ASTN2: variants seen among roughly 807,000 people sequenced by gnomAD.
ASTN2 encodes astrotactin-2.
In ASTN2, 54 loss-of-function variants were observed where a neutral mutation model predicts 139.8. The ratio of observed to expected loss-of-function variants is 0.39; its 90% CI spans 0.31 to 0.48. The LOEUF is 0.48. ASTN2 is among the 20% of genes least tolerant of loss of function. ASTN2 has a pLI of 0.95. For synonymous variants in ASTN2, 756 were observed against 719.5 expected (o/e 1.05, Z -0.81); for missense variants, 1,565 against 1,725.1 (o/e 0.91, Z 1.64).
intron 16 of ASTN2, among the ~76,000 whole-genome samples, chr9:116,689,038 A>G (rs1860428683): frequency 6.6e-6 from 1 of 152,126 alleles, no homozygotes; most frequent in Admixed American, 6.5e-5. Context: ...TACTGGCCTC[A>G]AGTGGGTAGA....
chr9:116,686,771 A>C (rs1860240530), intron 16 of ASTN2: 2 of 1,550,666 alleles, frequency 1.3e-6, no homozygotes, highest in Non-Finnish European at 1.7e-6. Context: ...CCAGCTGAGT[A>C]GGCAAAACAT....
At chr9:117,290,063 TG>T (rs1834549822) in intron 2 of ASTN2, among the ~76,000 whole-genome samples, 1 of 152,198 alleles carries the variant, frequency 6.6e-6, no homozygotes, top group Non-Finnish European at 1.5e-5. Flanking sequence ...TACTGCTGAT[TG>T]TTAAATTGAA....
chr9:116,916,428 G>A (rs1337363522), intron 10 of ASTN2, among the ~76,000 whole-genome samples: 1 of 152,222 alleles, frequency 6.6e-6, no homozygotes, highest in African/African-American at 2.4e-5. Context: ...AATAAGCTCA[G>A]AAAGGTGTAA....
chr9:116,904,982 G>GCC (rs1834115840), intron 10 of ASTN2, among the ~76,000 whole-genome samples: 1 of 152,170 alleles, frequency 6.6e-6, no homozygotes, highest in Admixed American at 6.5e-5. Flanking sequence ...TCCTCCAAAG[G>GCC]CCCCTCTGTG....
intron 12 of ASTN2, among the ~76,000 whole-genome samples, chr9:116,810,997 T>C (rs1404418437): frequency 6.6e-6 from 1 of 152,194 alleles, no homozygotes; most frequent in Non-Finnish European, 1.5e-5. Context: ...TATGCAGTGT[T>C]CTCATTAAAT....
At chr9:116,723,721 ATCTAC>A (rs202209919) in intron 16 of ASTN2, among the ~76,000 whole-genome samples, 2 of 152,356 alleles carry the variant, frequency 1.3e-5, no homozygotes, top group East Asian at 3.9e-4. Flanking sequence ...GGAGTATTTG[ATCTAC>A]CATCTAGGTG....
intron 4 of ASTN2, among the ~76,000 whole-genome samples, chr9:117,131,085 T>A (rs142962718): frequency 4.1e-4 from 62 of 152,348 alleles, no homozygotes; most frequent in African/African-American, 1.5e-3. Flanking sequence ...CTTCTAACTA[T>A]GTATTTTGTT....
chr9:116,453,588 C>G, intron 20 of ASTN2, among the ~76,000 whole-genome samples: 1 of 76,782 alleles, frequency 1.3e-5, no homozygotes, highest in Non-Finnish European at 2.3e-5. Context: ...TGCGAGACTC[C>G]GTCTCAAAAA....
chr9:117,400,352 G>C (rs1164501915), intron 1 of ASTN2, among the ~76,000 whole-genome samples: 5 of 152,312 alleles, frequency 3.3e-5, no homozygotes, highest in Non-Finnish European at 5.9e-5. Flanking sequence ...GTCCTTTTGT[G>C]GGGAGGACAG....
At chr9:116,460,828 T>C (rs1156772048) in intron 20 of ASTN2, among the ~76,000 whole-genome samples, 1 of 152,102 alleles carries the variant, frequency 6.6e-6, no homozygotes, top group Non-Finnish European at 1.5e-5. Context: ...CAGAGTTCCA[T>C]CTGCCACACT....
chr9:117,132,851 G>A (rs113996097), intron 4 of ASTN2, among the ~76,000 whole-genome samples: 1,799 of 152,234 alleles, frequency 0.012, 40 homozygotes, highest in African/African-American at 0.041. Flanking sequence ...CCAGGGTGCC[G>A]ATTCCAGGAT....
At chr9:117,359,084 A>C (rs1230878134) in intron 1 of ASTN2, among the ~76,000 whole-genome samples, 3 of 152,186 alleles carry the variant, frequency 2.0e-5, no homozygotes, top group Non-Finnish European at 4.4e-5. Flanking sequence ...AACAATGCAT[A>C]GATTCAACAT....
chr9:117,034,594 C>T (rs1838331621), intron 6 of ASTN2, among the ~76,000 whole-genome samples: 1 of 152,116 alleles, frequency 6.6e-6, no homozygotes, highest in Non-Finnish European at 1.5e-5. Flanking sequence ...ATTGACACAG[C>T]TCTCGAAGCC....
chr9:116,826,211 C>T (rs890992454), intron 11 of ASTN2, among the ~76,000 whole-genome samples: 8 of 152,148 alleles, frequency 5.3e-5, no homozygotes, highest in African/African-American at 1.9e-4. Flanking sequence ...CCAGGCTATC[C>T]TATGCATATC....
chr9:116,492,431 T>C (rs1849544025), intron 19 of ASTN2, among the ~76,000 whole-genome samples: 1 of 152,186 alleles, frequency 6.6e-6, no homozygotes, highest in African/African-American at 2.4e-5. Context: ...ATAAGGACTC[T>C]TAAAGATATC....
chr9:117,045,979 TGTAC>T (rs1211768177), intron 5 of ASTN2, among the ~76,000 whole-genome samples: 6 of 124,646 alleles, frequency 4.8e-5, no homozygotes, highest in South Asian at 5.5e-4. Flanking sequence ...TATGTATGTA[TGTAC>T]GTACGTACGT....
At chr9:117,250,778 G>T (rs764922372) in intron 2 of ASTN2, among the ~76,000 whole-genome samples, 2 of 152,164 alleles carry the variant, frequency 1.3e-5, no homozygotes, top group African/African-American at 4.8e-5. Context: ...GCTTCAAATG[G>T]GGAAACACAG....
At chr9:116,876,423 G>T (rs1217255677) in intron 10 of ASTN2, among the ~76,000 whole-genome samples, 1 of 152,180 alleles carries the variant, frequency 6.6e-6, no homozygotes, top group Non-Finnish European at 1.5e-5. Flanking sequence ...AAGAACAAAA[G>T]ATTTAAAATA....
chr9:116,698,336 G>A lies in ASTN2; in HGVS notation c.2806+27435C>T. On this transcript the variant is annotated intron_variant, in intron 16 of 22. Coordinates refer to ENST00000313400, the MANE Select transcript of ASTN2 (RefSeq NM_001365068.1). The surrounding 1 kb of genome is among the most constrained non-coding windows in gnomAD (Gnocchi z 4.4). Reference sequence around the variant, plus strand: ...ATGAGGAGCGCAGGGTCCAGGATGAGCTGGCTCGCTCTCGGAAGTTCTTCA... The same window carrying A: ...ATGAGGAGCGCAGGGTCCAGGATGAACTGGCTCGCTCTCGGAAGTTCTTCA... 1 of 1,614,160 alleles carries A rather than the reference G, an allele frequency of 6.2e-7. No homozygotes were observed. The highest frequency in any genetic ancestry group is 8.5e-7 in the Non-Finnish European group (1 of 1,180,052).
Sources: allele counts gnomAD v4.1 joint callset (sites outside exome capture counted in the v4.1 genomes callset), GRCh38; gene constraint gnomAD v4.1.1; non-coding constraint Gnocchi (gnomAD v3.1); transcripts MANE v1.5; gene names NCBI Gene and HGNC (gene_info 2026-07-23, HGNC 2026-07-21).